ADAMTSL1: variants seen among roughly 807,000 people sequenced by gnomAD.
The protein encoded by ADAMTSL1 is ADAMTS like 1, also known as ADAMTS-like protein 1.
A neutral mutation model predicts 201.8 loss-of-function variants in ADAMTSL1; 126 were observed. That is an observed-to-expected ratio of 0.62 (90% CI 0.54 to 0.72). The LOEUF is 0.72. ADAMTSL1 is among the 30% of genes least tolerant of loss of function. ADAMTSL1 has a pLI of 0.00. For missense variants in ADAMTSL1, 2,679 were observed against 2,277.8 expected, an observed-to-expected ratio of 1.18 and a Z score of -3.59; for synonymous variants, 1,121 against 903.4, an observed-to-expected ratio of 1.24 and a Z score of -4.32.
At chr9:18,217,114 G>A (rs1830083389) in intron 2 of ADAMTSL1, among the ~76,000 whole-genome samples, 3 of 152,160 alleles carry the variant, frequency 2.0e-5, no homozygotes. Flanking sequence ...TCTAAAGGAA[G>A]AGAGAGGGGT....
intron 2 of ADAMTSL1, among the ~76,000 whole-genome samples, chr9:18,258,156 A>C (rs1194741435): frequency 1.3e-5 from 2 of 152,252 alleles, no homozygotes; most frequent in East Asian, 3.8e-4. Flanking sequence ...ATAAAATAAA[A>C]ACCAGGTTTT....
At chr9:18,855,410 G>C (rs919389035) in intron 23 of ADAMTSL1, among the ~76,000 whole-genome samples, 1 of 152,116 alleles carries the variant, frequency 6.6e-6, no homozygotes, top group African/African-American at 2.4e-5. Context: ...AGTTTAAAAA[G>C]GATTTTGCTG....
At chr9:18,884,602 C>T (rs1408311913) in intron 23 of ADAMTSL1, among the ~76,000 whole-genome samples, 1 of 152,036 alleles carries the variant, frequency 6.6e-6, no homozygotes. Context: ...TAGTGTAAGT[C>T]ATTTGTTCAC....
chr9:18,547,669 G>A (rs1462135974), intron 3 of ADAMTSL1, among the ~76,000 whole-genome samples: 1 of 146,034 alleles, frequency 6.8e-6, no homozygotes, highest in Non-Finnish European at 1.5e-5. Context: ...GTTGCCAGTT[G>A]CCTAGAATGA....
At chr9:18,300,560 T>C (rs905554460) in intron 2 of ADAMTSL1, among the ~76,000 whole-genome samples, 2 of 152,234 alleles carry the variant, frequency 1.3e-5, no homozygotes, top group African/African-American at 2.4e-5. Context: ...CGTATACCTA[T>C]GTATCAAAAC....
At chr9:18,675,730 T>C in intron 9 of ADAMTSL1, 127 bp from the exon 10 acceptor site, 1 of 853,482 alleles carries the variant, frequency 1.2e-6, no homozygotes. Flanking sequence ...TTTAGTGTTG[T>C]TTTATAGATA....
chr9:18,439,713 C>G (rs934884509), intron 2 of ADAMTSL1, among the ~76,000 whole-genome samples: 1 of 152,202 alleles, frequency 6.6e-6, no homozygotes, highest in African/African-American at 2.4e-5. Flanking sequence ...ATTTTGTTCA[C>G]TGCTGTATTC....
rs570475615 is a variant in ADAMTSL1, at chr9:18,272,928, A to G, written c.207+108947A>G. ...GCCTAATGAGAGAACTCATATTAGT[A>G]TATTATTTTTAATGGGTAAGTGCAT... On this transcript the variant is annotated intron_variant, in intron 2 of 29. Coordinates refer to the ADAMTSL1 transcript ENST00000680146. Among the ~76,000 whole-genome samples the G allele has an allele frequency of 2.6e-5, 4 of 152,358 alleles. No homozygotes were observed. The East Asian group carries it at 5.8e-4, about 22-fold the overall frequency.
chr9:18,246,813 C>T (rs985227667), intron 2 of ADAMTSL1, among the ~76,000 whole-genome samples: 3 of 152,128 alleles, frequency 2.0e-5, no homozygotes, highest in African/African-American at 7.2e-5. Context: ...GTAACAACCA[C>T]ATCAAAATTA....
intron 2 of ADAMTSL1, among the ~76,000 whole-genome samples, chr9:18,366,614 T>C (rs2133104828): frequency 6.7e-6 from 1 of 148,174 alleles, no homozygotes; most frequent in Admixed American, 6.8e-5. Flanking sequence ...GGATAGTGCC[T>C]CTGAAATCAC....
intron 23 of ADAMTSL1, among the ~76,000 whole-genome samples, chr9:18,877,976 T>G (rs987522405): frequency 3.3e-5 from 5 of 152,104 alleles, no homozygotes; most frequent in African/African-American, 1.2e-4. Flanking sequence ...TGGGTGTAGT[T>G]CTCAGGCCAA....
intron 1 of ADAMTSL1, among the ~76,000 whole-genome samples, chr9:18,494,292 A>G (rs113258660): frequency 0.12 from 17,524 of 149,228 alleles, 1,074 homozygotes; most frequent in African/African-American, 0.15. Flanking sequence ...GAAGGTGGAG[A>G]TTGCAGTGAG....
chr9:18,016,547 T>C (rs529304364), intron 1 of ADAMTSL1, among the ~76,000 whole-genome samples: 1 of 152,064 alleles, frequency 6.6e-6, no homozygotes, highest in East Asian at 1.9e-4. Flanking sequence ...GTACATGATA[T>C]CTTCTAATTT....
intron 23 of ADAMTSL1, among the ~76,000 whole-genome samples, chr9:18,856,326 C>T (rs1826844372): frequency 6.6e-6 from 1 of 152,006 alleles, no homozygotes; most frequent in African/African-American, 2.4e-5. Flanking sequence ...GTTTTTGGTT[C>T]ATTCATATAT....
At chr9:18,769,297 C>T (rs1281336849) in intron 16 of ADAMTSL1, among the ~76,000 whole-genome samples, 1 of 152,208 alleles carries the variant, frequency 6.6e-6, no homozygotes, top group Non-Finnish European at 1.5e-5. Flanking sequence ...AGCACAAACT[C>T]TCACGCTTTT....
chr9:18,838,402 C>CACACAAAA, intron 23 of ADAMTSL1, among the ~76,000 whole-genome samples: 1 of 125,496 alleles, frequency 8.0e-6, no homozygotes, highest in South Asian at 2.4e-4. Flanking sequence ...CACACACACA[C>CACACAAAA]GCAAAAACCT....
At chr9:17,947,312 TAC>T (rs34840423) in intron 1 of ADAMTSL1, among the ~76,000 whole-genome samples, 5,570 of 143,288 alleles carry the variant, frequency 0.039, 147 homozygotes, top group Middle Eastern at 0.084. Context: ...TATACACACA[TAC>T]ACACACACAC....
chr9:17,917,643 A>G (rs1773509516), intron 1 of ADAMTSL1, among the ~76,000 whole-genome samples: 1 of 151,954 alleles, frequency 6.6e-6, no homozygotes, highest in African/African-American at 2.4e-5. Context: ...AAGGTTCTGA[A>G]GTTTCCTTTT....
At chr9:18,204,113 G>A (rs913934681) in intron 2 of ADAMTSL1, among the ~76,000 whole-genome samples, 8 of 152,114 alleles carry the variant, frequency 5.3e-5, no homozygotes, top group Non-Finnish European at 1.2e-4. Flanking sequence ...TGGGCTAGCT[G>A]CTCTTTGGAC....
Sources: allele counts gnomAD v4.1 joint callset (sites outside exome capture counted in the v4.1 genomes callset), GRCh38; gene constraint gnomAD v4.1.1; transcripts MANE v1.5; gene names NCBI Gene and HGNC (gene_info 2026-07-23, HGNC 2026-07-21).